Variants in EGFR observed in about 807,000 individuals in gnomAD.
EGFR encodes the protein avian erythroblastic leukemia viral (v-erb-b) oncogene homolog.
EGFR carries 58 observed loss-of-function variants against 143.0 expected under a neutral mutation model. That is an observed-to-expected ratio of 0.41 (90% CI 0.33 to 0.50). The LOEUF (loss-of-function observed/expected upper bound fraction) is 0.50, where lower values mean the gene tolerates loss of function less well. Among genes scored for constraint, EGFR ranks in the 20% least tolerant of loss-of-function variants. The probability of loss-of-function intolerance (pLI) is 0.39; values close to 1 mark genes in which losing one functional copy is unlikely to be tolerated. For synonymous variants in EGFR, 613 were observed against 594.4 expected, an observed-to-expected ratio of 1.03 and a Z score of -0.45; for missense variants, 1,307 against 1,579.0, an observed-to-expected ratio of 0.83 and a Z score of 2.92.
At chr7:55,087,733 G>C (rs1180183428) in intron 1 of EGFR, among the ~76,000 whole-genome samples, 2 of 152,214 alleles carry the variant, frequency 1.3e-5, no homozygotes, top group Non-Finnish European at 2.9e-5. Flanking sequence ...AGCCAGCCCT[G>C]TCAGGCAGAG....
At position 55,202,535 on chromosome 7, in the gene EGFR, A is replaced by C. The variant is rs748111724; in HGVS notation, c.3181A>C (p.Lys1061Gln). The C allele has an allele frequency of 9.9e-6, 16 of 1,611,024 alleles. No individual in the cohort carries two copies. Among genetic ancestry groups the C allele is most frequent in the Non-Finnish European group, 1.1e-5 (13 of 1,178,624 alleles). Residue 1061 changes from lysine (K) to glutamine (Q), a missense_variant, in exon 27 of 28, where the codon AAG (lysine) becomes CAG (glutamine). Physicochemically the swap from Lys to Gln is moderately conservative, Grantham distance 53. Coordinates refer to ENST00000275493, the MANE Select transcript of EGFR (RefSeq NM_005228.5). Reference sequence around the variant, plus strand: ...CCTGCAGCTGCAAAGCTGTCCCATCAAGGAAGACAGCTTCTTGCAGCGATA... The same window carrying C: ...CCTGCAGCTGCAAAGCTGTCCCATCCAGGAAGACAGCTTCTTGCAGCGATA... ...DRNGLQSCPI[K>Q]EDSFLQRYSS...
chr7:55,054,944 A>G (rs1788713459), intron 1 of EGFR, among the ~76,000 whole-genome samples: 1 of 152,120 alleles, frequency 6.6e-6, no homozygotes, highest in Non-Finnish European at 1.5e-5. Context: ...AACCACTCCA[A>G]GCTCCGTGTG....
At position 55,205,483 on chromosome 7, in the gene EGFR, C is replaced by G. The variant is rs1469310856; in HGVS notation, c.3499C>G (p.Leu1167Val). The G allele has an allele frequency of 1.9e-6, 3 of 1,614,204 alleles. No individual in the cohort carries two copies. The highest frequency in any genetic ancestry group is 2.5e-6 in the Non-Finnish European group (3 of 1,180,040). ...CCAGAAAGGCAGCCACCAAATTAGC[C>G]TGGACAACCCTGACTACCAGCAGGA... is the stretch of plus-strand genomic sequence containing the variant. The part of the protein sequence containing the change: ...WAQKGSHQIS[L>V]DNPDYQQDFF... Residue 1167 changes from leucine to valine, a missense_variant, in exon 28 of 28, where the codon CTG (leucine) becomes GTG (valine). Around this residue, in one of 7 missense-constraint regions of EGFR, gnomAD observed 313 missense variants for 312.3 expected, o/e 1.00. Transcript: ENST00000275493.
intron 7 of EGFR, among the ~76,000 whole-genome samples, chr7:55,155,381 G>C (rs1785361784): frequency 6.6e-6 from 1 of 152,264 alleles, no homozygotes; most frequent in South Asian, 2.1e-4. Flanking sequence ...GGCGGAGGTT[G>C]CAGTGAGCTG....
In EGFR at chr7:55,191,579, C is replaced by T. The variant is rs1254790936; in HGVS notation, c.2470-140C>T. 5.8e-6 allele frequency: 6 copies of T among 1,031,188 alleles called. No homozygotes were observed. In the East Asian group the frequency reaches 9.9e-5, roughly 17 times the overall value. The allele number at this position is 1,031,188 out of a possible 1,614,324, so 63.9% of individuals were successfully genotyped here. A position where few individuals can be genotyped will look rare whatever the true frequency, so the allele number is the denominator to read the frequency against. On this transcript the variant is annotated intron_variant, in intron 20 of 27. Transcript: ENST00000275493. ...TCATGCGCCTTTCCATTCTTTGGAT[C>T]AGTAGTCACTAACGTTCGCCAGCCA...
At chr7:55,174,590 G>C (rs2128954322) in intron 18 of EGFR, 132 bp from the exon 19 acceptor site, 2 of 798,324 alleles carry the variant, frequency 2.5e-6, no homozygotes, top group African/African-American at 1.7e-5. Flanking sequence ...ATCAGCCTTA[G>C]GTGCGGCTCC....
chr7:55,142,019 T>C lies in EGFR; in HGVS notation c.89-267T>C, dbSNP rs17336324. Among the ~76,000 whole-genome samples, 4,022 of 152,306 alleles carry C rather than the reference T, an allele frequency of 0.026. 191 individuals are homozygous for C. The highest frequency in any genetic ancestry group is 0.092 in the African/African-American group (3,807 of 41,558). On this transcript the variant is annotated intron_variant, in intron 1 of 27. Coordinates refer to ENST00000275493, the MANE Select transcript of EGFR (RefSeq NM_005228.5). Reference sequence around the variant, plus strand: ...CATTATAGGGACAAGCTATCTCTTATTATGAATTGCACCTTATATAAACTT... The same window carrying C: ...CATTATAGGGACAAGCTATCTCTTACTATGAATTGCACCTTATATAAACTT...
chr7:55,019,296 G>T lies in EGFR; in HGVS notation c.19G>T (p.Ala7Ser), dbSNP rs761183109. Residue 7 changes from alanine to serine, a missense_variant, in exon 1 of 28, where the codon GCC becomes TCC. Around this residue, in one of 7 missense-constraint regions of EGFR, gnomAD observed 65 missense variants for 37.8 expected, o/e 1.72. Transcript: ENST00000275493. ...AGCAGCGATGCGACCCTCCGGGACG[G>T]CCGGGGCAGCGCTCCTGGCGCTGCT... MRPSGT[A>S]GAALLALLAA... is the part of the protein sequence containing the mutation. The T allele has an allele frequency of 6.6e-7, 1 of 1,511,202 alleles. No individual in the cohort carries two copies. The highest frequency in any genetic ancestry group is 1.2e-5 in the South Asian group (1 of 82,886). The allele number at this position is 1,511,202 out of a possible 1,614,324, so 93.6% of individuals were successfully genotyped here. A position where few individuals can be genotyped will look rare whatever the true frequency, so the allele number is the denominator to read the frequency against.
intron 1 of EGFR, among the ~76,000 whole-genome samples, chr7:55,110,446 C>T (rs1792407535): frequency 6.6e-6 from 1 of 152,182 alleles, no homozygotes; most frequent in Non-Finnish European, 1.5e-5. Flanking sequence ...AGCTCTCCCA[C>T]CCCACACACT....
At chr7:55,107,624 G>A (rs1262715604) in intron 1 of EGFR, among the ~76,000 whole-genome samples, 1 of 152,224 alleles carries the variant, frequency 6.6e-6, no homozygotes, top group Non-Finnish European at 1.5e-5. Context: ...GCCAGGCAGA[G>A]AATGCTGCAG....
At position 55,202,591 on chromosome 7, in the gene EGFR, G is replaced by C. The variant is rs184614596; in HGVS notation, c.3237G>C (p.Glu1079Asp). ...YSSDPTGALT[E>D]DSIDDTFLPV... ...CAGACCCCACAGGCGCCTTGACTGAGGACAGCATAGACGACACCTTCCTCC... is the reference window on the plus strand; with the variant it reads ...CAGACCCCACAGGCGCCTTGACTGACGACAGCATAGACGACACCTTCCTCC... The change falls in exon 27 of 28, where the codon GAG (glutamate) becomes GAC (aspartate). Residue 1079 changes from glutamate to aspartate, a missense_variant. Physicochemically the swap from Glu to Asp is conservative, Grantham distance 45 (BLOSUM62 2). This residue lies in a region of EGFR where 313 missense variants were observed against 312.3 expected (regional missense o/e 1.00). Transcript: ENST00000275493. 2 of 1,613,556 alleles carry C rather than the reference G, an allele frequency of 1.2e-6. No individual in the cohort carries two copies. Among genetic ancestry groups the C allele is most frequent in the East Asian group, 4.5e-5 (2 of 44,860 alleles).
Position 55,154,029 on chromosome 7 carries a change from G to A in EGFR, c.766G>A (p.Asp256Asn), listed in dbSNP as rs2128934871. The change falls in exon 7 of 28, where the codon GAC (aspartate) becomes AAC (asparagine). Residue 256 changes from aspartate (D) to asparagine (N), a missense_variant. Asp to Asn is a conservative substitution (Grantham distance 23). This residue lies in a region of EGFR where 311 missense variants were observed against 412.3 expected (regional missense o/e 0.75). Transcript: ENST00000275493. Reference protein sequence around the residue: ...SDCLVCRKFRDEATCKDTCPP... With the variant: ...SDCLVCRKFRNEATCKDTCPP... ...TCCATAGGTCTGCCGCAAATTCCGA[G>A]ACGAAGCCACGTGCAAGGACACCTG... The A allele has an allele frequency of 6.2e-7, 1 of 1,614,156 alleles. No homozygotes were observed. The highest frequency in any genetic ancestry group is 8.5e-7 in the Non-Finnish European group (1 of 1,180,050).
intron 20 of EGFR, among the ~76,000 whole-genome samples, chr7:55,184,912 C>T (rs551838954): frequency 3.3e-5 from 5 of 152,258 alleles, no homozygotes; most frequent in South Asian, 2.1e-4. Flanking sequence ...TCTTTTTAAA[C>T]GTTTGAAGTA....
chr7:55,127,839 T>A (rs958668835), intron 1 of EGFR, among the ~76,000 whole-genome samples: 1 of 152,196 alleles, frequency 6.6e-6, no homozygotes, highest in African/African-American at 2.4e-5. Context: ...AGATTACAGA[T>A]TGCAGACTTC....
rs2128971686 is a variant in EGFR, at chr7:55,201,301, G to T, written c.3060G>T (p.Gln1020His). 6.2e-7 allele frequency: 1 copy of T among 1,613,958 alleles called. No individual in the cohort carries two copies. Among genetic ancestry groups the T allele is most frequent in the Non-Finnish European group, 8.5e-7 (1 of 1,179,972 alleles). The change falls in exon 25 of 28, where the codon CAG (glutamine) becomes CAT (histidine). Residue 1020 changes from glutamine (Q) to histidine (H), a missense_variant. Gln to His is a conservative substitution (Grantham distance 24). Coordinates refer to ENST00000275493, the MANE Select transcript of EGFR (RefSeq NM_005228.5). ...ATGCCGACGAGTACCTCATCCCACA[G>T]CAGGGCTTCTTCAGCAGCCCCTCCA... ...VVDADEYLIPQQGFFSSPSTS... is the reference protein window; with the variant it reads ...VVDADEYLIPHQGFFSSPSTS...
chr7:55,053,693 G>T (rs1200766324), intron 1 of EGFR, among the ~76,000 whole-genome samples: 1 of 152,222 alleles, frequency 6.6e-6, no homozygotes, highest in Non-Finnish European at 1.5e-5. Flanking sequence ...TGAATCCGAG[G>T]CTTCTAGCCC....
At chr7:55,177,736 C>T (rs149652895) in intron 19 of EGFR, among the ~76,000 whole-genome samples, 2 of 152,180 alleles carry the variant, frequency 1.3e-5, no homozygotes, top group African/African-American at 2.4e-5. Context: ...GACACTCCTG[C>T]GGTGGGACTG....
intron 19 of EGFR, among the ~76,000 whole-genome samples, chr7:55,179,444 G>C (rs896331579): frequency 2.0e-5 from 3 of 152,202 alleles, no homozygotes; most frequent in African/African-American, 7.2e-5. Context: ...GTCGAGGAAG[G>C]CTCCTCTGAG....
intron 1 of EGFR, among the ~76,000 whole-genome samples, chr7:55,095,787 C>T (rs1791428812): frequency 1.3e-5 from 2 of 151,100 alleles, no homozygotes; most frequent in African/African-American, 4.9e-5. Context: ...CTCACAGAGA[C>T]ACACAGATAC....
Sources: gnomAD v4.1 joint callset for allele counts (sites outside exome capture counted in the v4.1 genomes callset) on GRCh38, gnomAD v4.1.1 for gene constraint, gnomAD v4.1.1 regional missense constraint, MANE v1.5 for transcripts, NCBI Gene and HGNC (gene_info 2026-07-23, HGNC 2026-07-21) for gene names.